The following NIPBL variants were observed in gnomAD, a reference collection of about 807,000 sequenced individuals.
The protein encoded by NIPBL is nipped-B-like protein.
Under a neutral mutation model 321.8 loss-of-function variants are expected in NIPBL, and 19 were observed. That is an observed-to-expected ratio of 0.06 (90% CI 0.04 to 0.09). The LOEUF (loss-of-function observed/expected upper bound fraction) is 0.09, where lower values mean the gene tolerates loss of function less well. NIPBL is among the 10% of genes least tolerant of loss of function. NIPBL has a pLI of 1.00. For missense variants in NIPBL, 2,210 were observed against 3,327.0 expected (o/e 0.66, Z 8.26); for synonymous variants, 1,106 against 1,114.1 (o/e 0.99, Z 0.14).
intron 1 of NIPBL, among the ~76,000 whole-genome samples, chr5:36,944,978 A>G (rs1036284188): frequency 6.6e-6 from 1 of 152,140 alleles, no homozygotes; most frequent in Non-Finnish European, 1.5e-5. Context: ...TTGATTTTGC[A>G]TTTCTAATAC....
intron 9 of NIPBL, among the ~76,000 whole-genome samples, chr5:36,978,871 C>T (rs1250133715): frequency 2.0e-5 from 3 of 151,972 alleles, no homozygotes; most frequent in South Asian, 2.1e-4. Context: ...TTATTTTTGT[C>T]AACTTTGTTG....
intron 1 of NIPBL, among the ~76,000 whole-genome samples, chr5:36,913,385 CTT>C (rs770339545): frequency 2.8e-4 from 39 of 137,778 alleles, no homozygotes; most frequent in Non-Finnish European, 2.1e-4. Flanking sequence ...TTATTTCCTT[CTT>C]TTTTTTTTTT....
intron 9 of NIPBL, among the ~76,000 whole-genome samples, chr5:36,983,456 C>G (rs952283076): frequency 7.9e-5 from 12 of 151,892 alleles, no homozygotes; most frequent in Non-Finnish European, 1.8e-4. Flanking sequence ...AAAATCACAA[C>G]TTGGTTCTCT....
In NIPBL at chr5:37,022,369, T is replaced by C. The variant is rs1464881167; in HGVS notation, c.5553T>C (p.Asp1851=). ...CTCAGCTTGCTGAACAGTATTATGA[T>C]ATGCTGATTGAAAGAATATTGGTAT... ...CRPQLAEQYY[D]MLIERILDTG... Residue 1851 remains aspartate (D), a synonymous_variant, in exon 29 of 47, where the codon GAT becomes GAC. Transcript: ENST00000282516. 4 of 1,608,894 alleles carry C rather than the reference T, an allele frequency of 2.5e-6. No individual in the cohort carries two copies. In the South Asian group the frequency reaches 3.3e-5, roughly 13 times the overall value.
intron 1 of NIPBL, among the ~76,000 whole-genome samples, chr5:36,943,145 G>T (rs558630326): frequency 2.0e-5 from 3 of 152,172 alleles, no homozygotes; most frequent in Middle Eastern, 6.8e-3. Context: ...TGTGAATACG[G>T]AAGGCCAACT....
intron 11 of NIPBL, among the ~76,000 whole-genome samples, chr5:36,998,683 G>T (rs770290423): frequency 6.6e-6 from 1 of 151,978 alleles, no homozygotes; most frequent in Non-Finnish European, 1.5e-5. Context: ...GAAGAAGTTT[G>T]CTTATTAGTT....
In NIPBL at chr5:36,976,109, C is replaced by T. The variant is rs531372615; in HGVS notation, c.1202C>T (p.Ser401Leu). The T allele has an allele frequency of 1.2e-6, 2 of 1,613,924 alleles. No homozygotes were observed. Among genetic ancestry groups the T allele is most frequent in the African/African-American group, 1.3e-5 (1 of 75,022 alleles). The change falls in exon 9 of 47, where the codon TCA becomes TTA. Residue 401 changes from serine to leucine, a missense_variant. Physicochemically the swap from Ser to Leu is moderately radical, Grantham distance 145. Around this residue, in one of 14 missense-constraint regions of NIPBL, gnomAD observed 464 missense variants for 529.5 expected, o/e 0.88. Coordinates refer to ENST00000282516, the MANE Select transcript of NIPBL (RefSeq NM_133433.4). ...AATGTGCAGTACCCAGGACAGACTT[C>T]AAAAACACCCATTACTCCACAAGAT... ...PFNVQYPGQT[S>L]KTPITPQDIN...
At chr5:36,922,447 TA>T (rs1221001577) in intron 1 of NIPBL, among the ~76,000 whole-genome samples, 2 of 152,084 alleles carry the variant, frequency 1.3e-5, no homozygotes, top group African/African-American at 4.8e-5. Context: ...TTTGAGTCCT[TA>T]AGAGCCATGA....
At chr5:36,981,086 A>T (rs558073806) in intron 9 of NIPBL, among the ~76,000 whole-genome samples, 1 of 151,896 alleles carries the variant, frequency 6.6e-6, no homozygotes, top group East Asian at 1.9e-4. Context: ...TAAAGTGGAC[A>T]TTTAATATAT....
intron 45 of NIPBL, among the ~76,000 whole-genome samples, chr5:37,061,763 A>T (rs1754700211): frequency 6.6e-6 from 1 of 152,250 alleles, no homozygotes; most frequent in Non-Finnish European, 1.5e-5. Flanking sequence ...TAGATTACTT[A>T]TAATACCTAA....
intron 24 of NIPBL, among the ~76,000 whole-genome samples, chr5:37,018,919 A>G (rs1052726271): frequency 5.3e-5 from 8 of 152,128 alleles, no homozygotes; most frequent in African/African-American, 1.4e-4. Context: ...CTTAGCCAAC[A>G]TGGTGAAACC....
intron 1 of NIPBL, among the ~76,000 whole-genome samples, chr5:36,898,851 A>G (rs1746987447): frequency 6.6e-6 from 1 of 152,150 alleles, no homozygotes; most frequent in Non-Finnish European, 1.5e-5. Context: ...TTTTTTTAAA[A>G]TTTAGTCTTT....
Position 36,876,842 on chromosome 5 carries a change from CT to C in NIPBL, c.-415del, listed in dbSNP as rs1345465032. ...GCTCCTTCCCCCCGCCCTCCCCCCC[CT>C]CCCTCCGTCGGTACCGACTCACCCG... On this transcript the variant is annotated 5_prime_UTR_variant, in exon 1 of 47. Transcript: ENST00000282516. The C allele has an allele frequency of 3.0e-4, 117 of 388,298 alleles. No individual in the cohort carries two copies. Among genetic ancestry groups the C allele is most frequent in the East Asian group, 1.7e-3 (45 of 27,174 alleles). 24.1% of individuals were successfully genotyped at this position (388,298 alleles called of 1,614,324 possible).
chr5:36,913,035 G>A (rs1349313333), intron 1 of NIPBL, among the ~76,000 whole-genome samples: 2 of 152,054 alleles, frequency 1.3e-5, no homozygotes, highest in Non-Finnish European at 2.9e-5. Context: ...TATAGGTTGT[G>A]GAATTGTTCA....
intron 23 of NIPBL, 52 bp downstream of exon 23, chr5:37,016,222 A>G (rs1748976759): frequency 1.3e-6 from 2 of 1,541,462 alleles, no homozygotes; most frequent in African/African-American, 1.4e-5. Flanking sequence ...CAACATAATG[A>G]GGATGTACTC....
At chr5:36,897,706 A>G (rs1034814516) in intron 1 of NIPBL, among the ~76,000 whole-genome samples, 1 of 152,236 alleles carries the variant, frequency 6.6e-6, no homozygotes, top group African/African-American at 2.4e-5. Context: ...TAGTTAAAGC[A>G]GTAAGCTTTG....
intron 1 of NIPBL, among the ~76,000 whole-genome samples, chr5:36,946,455 A>G (rs1561062361): frequency 6.6e-6 from 1 of 151,902 alleles, no homozygotes; most frequent in Non-Finnish European, 1.5e-5. Flanking sequence ...CCATTCCTGT[A>G]TTTTGTAGAA....
chr5:37,037,679 G>A (rs1319173611), intron 33 of NIPBL, among the ~76,000 whole-genome samples: 4 of 111,068 alleles, frequency 3.6e-5, no homozygotes, highest in Admixed American at 9.2e-5. Flanking sequence ...TTATCTCCTT[G>A]TTCCGTTTTT....
In NIPBL at chr5:37,026,197, AT is replaced by A. The variant is rs968710821; in HGVS notation, c.5710-30del. 2.4e-6 allele frequency: 3 copies of A among 1,263,840 alleles called. No homozygotes were observed. In the South Asian group the frequency reaches 3.7e-5, roughly 15 times the overall value. The allele number at this position is 1,263,840 out of a possible 1,614,324, so 78.3% of individuals were successfully genotyped here. A position where few individuals can be genotyped will look rare whatever the true frequency, so the allele number is the denominator to read the frequency against. ...TTGTGAAATTGCCGTATTTGTTATA[AT>A]TAGTTAATTTGAAATTTCTCTTCCT... On this transcript the variant is annotated intron_variant, in intron 30 of 46. Coordinates refer to ENST00000282516, the MANE Select transcript of NIPBL (RefSeq NM_133433.4).
Sources: gnomAD v4.1 joint callset for allele counts (sites outside exome capture counted in the v4.1 genomes callset) on GRCh38, gnomAD v4.1.1 for gene constraint, gnomAD v4.1.1 regional missense constraint, MANE v1.5 for transcripts, NCBI Gene and HGNC (gene_info 2026-07-23, HGNC 2026-07-21) for gene names.